EBF1: variants seen among roughly 807,000 people sequenced by gnomAD.
EBF1 encodes the protein transcription factor COE1.
In EBF1, 10 loss-of-function variants were observed where a neutral mutation model predicts 68.4. That is an observed-to-expected ratio of 0.15 (90% CI 0.09 to 0.25). The LOEUF (loss-of-function observed/expected upper bound fraction) is 0.25. Ranked by LOEUF, EBF1 falls within the 10% of genes least tolerant of loss-of-function variation. EBF1 has a pLI of 1.00. For missense variants in EBF1, 509 were observed against 794.4 expected, an observed-to-expected ratio of 0.64 and a Z score of 4.32; for synonymous variants, 298 against 299.8, an observed-to-expected ratio of 0.99 and a Z score of 0.06.
intron 6 of EBF1, among the ~76,000 whole-genome samples, chr5:158,954,712 C>T (rs1228866256): frequency 6.6e-6 from 1 of 152,206 alleles, no homozygotes; most frequent in Non-Finnish European, 1.5e-5. Context: ...ATGCCAGCCT[C>T]ACTCTGCCCA....
intron 9 of EBF1, among the ~76,000 whole-genome samples, chr5:158,781,614 G>A (rs1348693985): frequency 6.6e-6 from 1 of 152,134 alleles, no homozygotes; most frequent in East Asian, 1.9e-4. Context: ...TCCTGTCTCA[G>A]TTAAAGGAAT....
At chr5:158,850,773 G>A (rs975925678) in intron 6 of EBF1, among the ~76,000 whole-genome samples, 47 of 152,260 alleles carry the variant, frequency 3.1e-4, no homozygotes, top group Non-Finnish European at 4.9e-4. Flanking sequence ...TTGGGAGGCC[G>A]AGGCGTGTGG....
intron 5 of EBF1, chr5:159,073,782 G>C (rs1014839749): frequency 1.0e-5 from 3 of 294,724 alleles, no homozygotes; most frequent in Non-Finnish European, 1.9e-5. Flanking sequence ...CACTGTTATT[G>C]CATCTACCCA....
At chr5:158,751,937 T>C (rs1444581168) in intron 10 of EBF1, among the ~76,000 whole-genome samples, 2 of 152,036 alleles carry the variant, frequency 1.3e-5, no homozygotes, top group African/African-American at 4.8e-5. Context: ...TTAGATGGTT[T>C]TTTTATACTG....
At chr5:158,962,434 G>A (rs72812401) in intron 6 of EBF1, among the ~76,000 whole-genome samples, 10,849 of 152,012 alleles carry the variant, frequency 0.071, 480 homozygotes, top group African/African-American at 0.13. Flanking sequence ...CAAACGAAAC[G>A]CTTCCCCAAG....
intron 6 of EBF1, among the ~76,000 whole-genome samples, chr5:158,981,996 A>C (rs1187076384): frequency 6.6e-6 from 1 of 152,224 alleles, no homozygotes; most frequent in East Asian, 1.9e-4. Context: ...ATCATTTTAA[A>C]ATTGCATCCA....
intron 11 of EBF1, among the ~76,000 whole-genome samples, chr5:158,715,052 T>A (rs144059391): frequency 4.2e-4 from 64 of 152,308 alleles, no homozygotes; most frequent in African/African-American, 1.5e-3. Context: ...TCTCTCTTCA[T>A]TTTTCCCTAA....
chr5:159,030,849 G>A lies in EBF1; in HGVS notation c.554+42547C>T, dbSNP rs538714876. Among the ~76,000 whole-genome samples, 96 of 152,300 alleles carry A rather than the reference G, an allele frequency of 6.3e-4. 1 individual carries two copies. Among genetic ancestry groups the A allele is most frequent in the African/African-American group, 2.2e-3 (90 of 41,560 alleles). On this transcript the variant is annotated intron_variant, in intron 6 of 15. Transcript: ENST00000313708. ...ATGGAGAGTAGCATGGCTGTAGTGT[G>A]CATGATGGGCTGGTTGTGGGGCCGT... is the stretch of plus-strand genomic sequence containing the variant.
At chr5:159,077,570 C>T (rs1778998002) in intron 5 of EBF1, among the ~76,000 whole-genome samples, 2 of 151,880 alleles carry the variant, frequency 1.3e-5, no homozygotes, top group South Asian at 4.2e-4. Flanking sequence ...GAATATAAGC[C>T]CCACAAAGAC....
intron 6 of EBF1, among the ~76,000 whole-genome samples, chr5:158,915,515 C>G (rs1265561810): frequency 6.6e-6 from 1 of 152,172 alleles, no homozygotes; most frequent in African/African-American, 2.4e-5. Context: ...TCCCTTCAGA[C>G]AGATCATGAA....
chr5:159,022,861 T>C (rs1270920889), intron 6 of EBF1, among the ~76,000 whole-genome samples: 1 of 152,230 alleles, frequency 6.6e-6, no homozygotes, highest in South Asian at 2.1e-4. Context: ...GAGCCTTCAA[T>C]GCAAGAAAAT....
At chr5:158,730,083 G>A (rs1763781342) in intron 11 of EBF1, among the ~76,000 whole-genome samples, 2 of 152,180 alleles carry the variant, frequency 1.3e-5, no homozygotes, top group African/African-American at 4.8e-5. Flanking sequence ...ACCTAGAAAT[G>A]GCATATCTCT....
intron 6 of EBF1, among the ~76,000 whole-genome samples, chr5:159,014,613 T>G (rs907268371): frequency 6.6e-6 from 1 of 152,186 alleles, no homozygotes; most frequent in African/African-American, 2.4e-5. Flanking sequence ...CCCAAATATC[T>G]CTTTGCTCTT....
At chr5:158,748,628 GGGACA>G (rs2127586365) in intron 10 of EBF1, among the ~76,000 whole-genome samples, 1 of 152,284 alleles carries the variant, frequency 6.6e-6, no homozygotes, top group Admixed American at 6.5e-5. Context: ...GAATATGGAA[GGGACA>G]GGAGAGAAAA....
chr5:158,998,540 C>T (rs941981397), intron 6 of EBF1, among the ~76,000 whole-genome samples: 2 of 152,216 alleles, frequency 1.3e-5, no homozygotes, highest in Admixed American at 1.3e-4. Context: ...GTTGAATAAG[C>T]AAATGAATGC....
chr5:158,924,742 AC>A (rs937584177), intron 6 of EBF1, among the ~76,000 whole-genome samples: 9 of 148,868 alleles, frequency 6.0e-5, no homozygotes, highest in Non-Finnish European at 1.5e-5. Flanking sequence ...AGTCCCAGCT[AC>A]TCCGGAGGCT....
chr5:158,749,086 C>T (rs1304675788), intron 10 of EBF1, among the ~76,000 whole-genome samples: 1 of 152,124 alleles, frequency 6.6e-6, no homozygotes, highest in Non-Finnish European at 1.5e-5. Context: ...GATTGACTGC[C>T]CTTCTATGCC....
chr5:158,906,489 G>A (rs1364323595), intron 6 of EBF1, among the ~76,000 whole-genome samples: 1 of 152,152 alleles, frequency 6.6e-6, no homozygotes, highest in Non-Finnish European at 1.5e-5. Context: ...CATGCTCAGT[G>A]TTTATTATGT....
intron 6 of EBF1, among the ~76,000 whole-genome samples, chr5:158,844,406 A>G (rs2127979873): frequency 6.6e-6 from 1 of 152,308 alleles, no homozygotes; most frequent in East Asian, 1.9e-4. Flanking sequence ...AGAAAAACAA[A>G]GACAACAAAA....
Sources: gnomAD v4.1 joint callset for allele counts (sites outside exome capture counted in the v4.1 genomes callset) on GRCh38, gnomAD v4.1.1 for gene constraint, MANE v1.5 for transcripts, NCBI Gene and HGNC (gene_info 2026-07-23, HGNC 2026-07-21) for gene names.